The following CRELD2 variants were observed in gnomAD, a reference collection of about 807,000 sequenced individuals.
CRELD2 encodes CRELD disulfide isomerase 2, also known as protein disulfide isomerase CRELD2.
In CRELD2, 33 loss-of-function variants were observed where a neutral mutation model predicts 48.1. That is an observed-to-expected ratio of 0.69 (90% CI 0.52 to 0.92). The LOEUF is 0.92. Among genes scored for constraint, CRELD2 ranks in the 40% least tolerant of loss-of-function variants. The pLI is 0.00. For synonymous variants in CRELD2, 220 were observed against 203.9 expected (o/e 1.08, Z -0.67); for missense variants, 477 against 482.4 (o/e 0.99, Z 0.10).
At chr22:49,922,201 G>T in intron 5 of CRELD2, 2 of 1,350,650 alleles carry the variant, frequency 1.5e-6, no homozygotes, top group Non-Finnish European at 2.0e-6. Context: ...GGACGTGAGT[G>T]TGTGGTTGGC....
In CRELD2 at chr22:49,927,478, C is replaced by T. The variant is rs1189263502; in HGVS notation, c.*171C>T. 5 of 626,158 alleles carry T rather than the reference C, an allele frequency of 8.0e-6. No individual in the cohort carries two copies. Among genetic ancestry groups the T allele is most frequent in the African/African-American group, 5.5e-5 (3 of 54,168 alleles). 38.8% of individuals were successfully genotyped at this position (626,158 alleles called of 1,614,324 possible). Reference sequence around the variant, plus strand: ...CATTTCTTGGTTGTTCTTAAACAGACTTGTATATTTTGATACAGTTCTTTG... The same window carrying T: ...CATTTCTTGGTTGTTCTTAAACAGATTTGTATATTTTGATACAGTTCTTTG... On this transcript the variant is annotated 3_prime_UTR_variant, in exon 10 of 10. Coordinates refer to ENST00000328268, the MANE Select transcript of CRELD2 (RefSeq NM_024324.5).
intron 1 of CRELD2, 104 bp downstream of exon 1, chr22:49,919,002 T>TTCGGGGTCGCGCCCACCTTGGGC: frequency 9.6e-7 from 1 of 1,046,364 alleles, no homozygotes; most frequent in South Asian, 1.7e-5. Context: ...TCACCCTGGA[T>TTCGGGGTCGCGCCCACCTTGGGC]CCGGGGTCCC....
At chr22:49,920,902 C>T (rs1187142457) in intron 4 of CRELD2, among the ~76,000 whole-genome samples, 1 of 152,260 alleles carries the variant, frequency 6.6e-6, no homozygotes, top group Admixed American at 6.5e-5. Context: ...TTCCCACTCT[C>T]CCTGCAGTCC....
At position 49,918,780 on chromosome 22, in the gene CRELD2, C is replaced by T; in HGVS notation, c.11C>T (p.Pro4Leu). The change falls in exon 1 of 10, where the codon CCG becomes CTG. Residue 4 changes from proline (P) to leucine (L), a missense_variant. Transcript: ENST00000328268. The stretch of plus-strand genomic sequence containing the variant: ...GCAGCGCTACCCGCCATGCGCCTGC[C>T]GCGCCGGGCCGCGCTGGGGCTCCTG... MRL[P>L]RRAALGLLPL... 1 of 1,257,276 alleles carries T rather than the reference C, an allele frequency of 8.0e-7. No homozygotes were observed. Among genetic ancestry groups the T allele is most frequent in the Non-Finnish European group, 1.0e-6 (1 of 984,568 alleles). 77.9% of individuals were successfully genotyped at this position (1,257,276 alleles called of 1,614,324 possible). A position where few individuals can be genotyped will look rare whatever the true frequency, so the allele number is the denominator to read the frequency against.
chr22:49,922,245 C>T, intron 5 of CRELD2: 1 of 1,554,268 alleles, frequency 6.4e-7, no homozygotes, highest in South Asian at 1.2e-5. Context: ...GCAGACAGAC[C>T]CGTGGATCGA....
chr22:49,923,515 A>C, intron 7 of CRELD2, 198 bp downstream of exon 7: 1 of 688,598 alleles, frequency 1.5e-6, no homozygotes, highest in Non-Finnish European at 2.6e-6. Flanking sequence ...AAAACAGTTA[A>C]AAACCCAGGA....
intron 9 of CRELD2, chr22:49,925,795 G>A: frequency 7.5e-7 from 1 of 1,341,400 alleles, no homozygotes; most frequent in Non-Finnish European, 9.7e-7. Flanking sequence ...GCGATGAAGG[G>A]GGAAGTCTCT....
chr22:49,922,282 T>TA lies in CRELD2; in HGVS notation c.593-329dup, dbSNP rs777198023. ...AGTCAGGACCGGCCTCTCCGATTCT[T>TA]ACGCCCCTCAGCAGTCAGGACCGGC... On this transcript the variant is annotated intron_variant, in intron 5 of 9. Coordinates refer to ENST00000328268, the MANE Select transcript of CRELD2 (RefSeq NM_024324.5). 2.0e-5 allele frequency: 28 copies of TA among 1,384,472 alleles called. No homozygotes were observed. In the East Asian group the frequency reaches 6.8e-4, roughly 33 times the overall value. 85.8% of individuals were successfully genotyped at this position (1,384,472 alleles called of 1,614,324 possible). A position where few individuals can be genotyped will look rare whatever the true frequency, so the allele number is the denominator to read the frequency against.
intron 4 of CRELD2, among the ~76,000 whole-genome samples, chr22:49,920,629 A>G (rs1164337698): frequency 6.6e-6 from 1 of 152,204 alleles, no homozygotes; most frequent in Non-Finnish European, 1.5e-5. Flanking sequence ...TGTGGCTGCT[A>G]TTGCAGAGAG....
chr22:49,922,525 C>G, intron 5 of CRELD2, 87 bp from the exon 6 acceptor site: 1 of 1,485,480 alleles, frequency 6.7e-7, no homozygotes, highest in Non-Finnish European at 9.1e-7. Context: ...GCTTTTCCCT[C>G]TTAAATTCCT....
chr22:49,921,996 C>G, intron 5 of CRELD2: 1 of 605,504 alleles, frequency 1.7e-6, no homozygotes, highest in Non-Finnish European at 2.9e-6. Flanking sequence ...ACCTTTCTCT[C>G]TAGTTCAAGG....
Position 49,923,277 on chromosome 22 carries a change from G to A in CRELD2, c.732G>A (p.Ala244=), listed in dbSNP as rs139427507. 1.7e-4 allele frequency: 276 copies of A among 1,609,854 alleles called. 1 individual carries two copies. In the African/African-American group the frequency reaches 2.6e-3, roughly 15 times the overall value. Residue 244 remains alanine, a synonymous_variant, in exon 7 of 10, where the codon GCG becomes GCA. Coordinates refer to ENST00000328268, the MANE Select transcript of CRELD2 (RefSeq NM_024324.5). The stretch of plus-strand genomic sequence containing the variant: ...CCGAGCCGCCTCCCTGCAGCGCTGC[G>A]CAGTTCTGTAAGAACGCCAACGGCT... The part of the protein sequence containing the change: ...CAAEPPPCSA[A]QFCKNANGSY...
At chr22:49,923,761 A>AAT (rs78383214) in intron 7 of CRELD2, 70,014 of 293,166 alleles carry the variant, frequency 0.24, 10,249 homozygotes, top group African/African-American at 0.5. Flanking sequence ...CAGTTTTTCA[A>AAT]CTTATAAACT....
chr22:49,922,367 C>T (rs111939483), intron 5 of CRELD2: 26,317 of 1,610,852 alleles, frequency 0.016, 699 homozygotes, highest in African/African-American at 0.098. Context: ...GCGTGGGCCA[C>T]GCATGGATCC....
intron 9 of CRELD2, chr22:49,926,029 G>T (rs2060759354): frequency 6.4e-6 from 1 of 157,074 alleles, no homozygotes; most frequent in Non-Finnish European, 1.4e-5. Flanking sequence ...CCGCTCACAG[G>T]AGCCAGAAGT....
intron 9 of CRELD2, chr22:49,925,882 T>C: frequency 1.8e-6 from 1 of 562,102 alleles, no homozygotes; most frequent in African/African-American, 2.0e-5. Flanking sequence ...GGAAAAGTCA[T>C]CCGGGGAAGC....
rs1290473888 is a variant in CRELD2 at position 49,921,749 on chromosome 22, A to G, written c.580A>G (p.Ser194Gly). The change falls in exon 5 of 10, where the codon AGC becomes GGC. Residue 194 changes from serine (S) to glycine (G), a missense_variant. Transcript: ENST00000328268. ...CAGCTCGCTCCGGAACGAGACCCAC[A>G]GCATCTGCACAGGTACGGGCTACGC... ...YFSSLRNETH[S>G]ICTACDESCK... is the part of the protein sequence containing the mutation. 2 of 1,612,040 alleles carry G rather than the reference A, an allele frequency of 1.2e-6. No homozygotes were observed. Among genetic ancestry groups the G allele is most frequent in the Non-Finnish European group, 1.7e-6 (2 of 1,179,506 alleles).
At chr22:49,924,571 G>C (rs368465978) in intron 8 of CRELD2, 116 bp downstream of exon 8, 1 of 699,336 alleles carries the variant, frequency 1.4e-6, no homozygotes, top group Non-Finnish European at 2.4e-6. Flanking sequence ...TCCTGCAGAC[G>C]TGGCTCCCCC....
rs1371678353 is a variant in CRELD2, at chr22:49,922,292, A to T, written c.593-320A>T. 2 of 1,175,842 alleles carry T rather than the reference A, an allele frequency of 1.7e-6. No homozygotes were observed. The highest frequency in any genetic ancestry group is 1.6e-5 in the South Asian group (1 of 62,820). The allele number at this position is 1,175,842 out of a possible 1,614,324, so 72.8% of individuals were successfully genotyped here. On this transcript the variant is annotated intron_variant, in intron 5 of 9. Transcript: ENST00000328268. ...GGCCTCTCCGATTCTTACGCCCCTC[A>T]GCAGTCAGGACCGGCCTCTCCGATT...
Sources: gnomAD v4.1 joint callset for allele counts (sites outside exome capture counted in the v4.1 genomes callset) on GRCh38, gnomAD v4.1.1 for gene constraint, MANE v1.5 for transcripts, NCBI Gene and HGNC (gene_info 2026-07-23, HGNC 2026-07-21) for gene names.